Variants in LINGO2 observed in about 807,000 individuals in gnomAD.
LINGO2 encodes the protein leucine-rich repeat and immunoglobulin-like domain-containing nogo receptor-interacting protein 2.
LINGO2 carries 14 observed loss-of-function variants against 30.6 expected under a neutral mutation model. That is an observed-to-expected ratio of 0.46 (90% CI 0.30 to 0.72). LINGO2 has a LOEUF of 0.72. Among genes scored for constraint, LINGO2 ranks in the 30% least tolerant of loss-of-function variants. The probability of loss-of-function intolerance (pLI) is 0.07; values close to 1 mark genes in which losing one functional copy is unlikely to be tolerated. For synonymous variants in LINGO2, 317 were observed against 288.5 expected, an observed-to-expected ratio of 1.10 and a Z score of -1.00; for missense variants, 729 against 751.7, an observed-to-expected ratio of 0.97 and a Z score of 0.35.
intron 4 of LINGO2, among the ~76,000 whole-genome samples, chr9:28,092,798 G>C (rs1243779232): frequency 1.3e-5 from 2 of 151,972 alleles, no homozygotes; most frequent in Non-Finnish European, 2.9e-5. Context: ...TTACTTGTAT[G>C]ATCAATAATA....
chr9:28,768,151 G>A, the LINGO2 span, among the ~76,000 whole-genome samples: 1 of 152,168 alleles, frequency 6.6e-6, no homozygotes, highest in African/African-American at 2.4e-5. Context: ...AGAGTTACAG[G>A]AATATGGGAA....
chr9:28,083,590 G>C (rs35081788), intron 4 of LINGO2, among the ~76,000 whole-genome samples: 3,690 of 152,174 alleles, frequency 0.024, 86 homozygotes, highest in Non-Finnish European at 0.037. Context: ...TTGTAGGTTA[G>C]ATTTGGCCAC....
chr9:28,352,161 C>G (rs1819927512), intron 3 of LINGO2, among the ~76,000 whole-genome samples: 1 of 151,630 alleles, frequency 6.6e-6, no homozygotes, highest in Non-Finnish European at 1.5e-5. Flanking sequence ...GGCTATTAGG[C>G]AGGAGAAGGA....
chr9:27,950,722 A>C lies in LINGO2; in HGVS notation c.-35-16T>G. The C allele has an allele frequency of 7.1e-7, 1 of 1,408,182 alleles. No homozygotes were observed. The highest frequency in any genetic ancestry group is 9.4e-7 in the Non-Finnish European group (1 of 1,064,082). The allele number at this position is 1,408,182 out of a possible 1,614,324, so 87.2% of individuals were successfully genotyped here. A position where few individuals can be genotyped will look rare whatever the true frequency, so the allele number is the denominator to read the frequency against. The stretch of plus-strand genomic sequence containing the variant: ...GGTCACGGGTCTGCATGGAAGGGAC[A>C]CAAGAAGGGAGGAAGAGAAGGTGAG... On this transcript the variant is annotated splice_polypyrimidine_tract_variant and intron_variant, in intron 5 of 5. Coordinates refer to ENST00000379992, the Ensembl canonical transcript of LINGO2.
chr9:28,724,378 T>C, the LINGO2 span, among the ~76,000 whole-genome samples: 2 of 152,242 alleles, frequency 1.3e-5, no homozygotes, highest in East Asian at 1.9e-4. Flanking sequence ...TTAGATTTAG[T>C]TCCTGTCCCA....
At chr9:28,132,378 C>T (rs773219702) in intron 4 of LINGO2, among the ~76,000 whole-genome samples, 1 of 151,876 alleles carries the variant, frequency 6.6e-6, no homozygotes, top group Non-Finnish European at 1.5e-5. Context: ...AAACCTTTTA[C>T]GTAGCTTAAT....
At chr9:28,656,529 T>C (rs920028687) in intron 1 of LINGO2, among the ~76,000 whole-genome samples, 1 of 152,006 alleles carries the variant, frequency 6.6e-6, no homozygotes, top group African/African-American at 2.4e-5. Context: ...TAAGGAAACA[T>C]CAGACACATC....
At chr9:28,072,348 G>A (rs910496112) in intron 4 of LINGO2, among the ~76,000 whole-genome samples, 2 of 152,100 alleles carry the variant, frequency 1.3e-5, no homozygotes, top group Non-Finnish European at 2.9e-5. Flanking sequence ...ACCATGCCAG[G>A]GAATATTAAG....
intron 4 of LINGO2, among the ~76,000 whole-genome samples, chr9:28,032,420 AAC>A (rs1231674261): frequency 7.8e-4 from 119 of 152,260 alleles, no homozygotes; most frequent in Middle Eastern, 3.4e-3. Flanking sequence ...TGTCTTTGTC[AAC>A]ATTACATATG....
intron 5 of LINGO2, among the ~76,000 whole-genome samples, chr9:27,954,011 T>C (rs1048702904): frequency 6.6e-6 from 1 of 152,142 alleles, no homozygotes; most frequent in Non-Finnish European, 1.5e-5. Context: ...GAATTCTGAA[T>C]TTTTTCAAAA....
chr9:28,013,820 C>T (rs917288475), intron 4 of LINGO2, among the ~76,000 whole-genome samples: 3 of 152,114 alleles, frequency 2.0e-5, no homozygotes, highest in Admixed American at 1.3e-4. Context: ...ATCCTCTTAG[C>T]ACATGAAATT....
intron 1 of LINGO2, among the ~76,000 whole-genome samples, chr9:28,502,131 GACAC>G (rs57545947): frequency 4.8e-4 from 71 of 147,136 alleles, no homozygotes; most frequent in East Asian, 1.2e-3. Flanking sequence ...GAGAAACACA[GACAC>G]ACACACACAC....
the LINGO2 span, among the ~76,000 whole-genome samples, chr9:28,766,191 T>C: frequency 6.6e-6 from 1 of 151,990 alleles, no homozygotes; most frequent in East Asian, 1.9e-4. Flanking sequence ...TTGCAAACCA[T>C]ATATCTGATA....
chr9:28,720,912 T>C, the LINGO2 span, among the ~76,000 whole-genome samples: 1 of 152,030 alleles, frequency 6.6e-6, no homozygotes, highest in African/African-American at 2.4e-5. Context: ...TCACTCTAAA[T>C]AGTGAATCAC....
At chr9:28,500,681 C>T (rs1819847527) in intron 1 of LINGO2, among the ~76,000 whole-genome samples, 1 of 151,562 alleles carries the variant, frequency 6.6e-6, no homozygotes, top group Non-Finnish European at 1.5e-5. Context: ...GATAAAATTT[C>T]CAGAGGAGTA....
intron 1 of LINGO2, among the ~76,000 whole-genome samples, chr9:28,507,270 C>T (rs1476624522): frequency 1.3e-5 from 2 of 149,584 alleles, no homozygotes; most frequent in Admixed American, 6.6e-5. Context: ...TAGATAATTA[C>T]TCTTTCCTAC....
chr9:28,010,286 G>C (rs1279839315), intron 5 of LINGO2, among the ~76,000 whole-genome samples: 1 of 152,082 alleles, frequency 6.6e-6, no homozygotes, highest in African/African-American at 2.4e-5. Flanking sequence ...CAAAATTTAA[G>C]TATAACTGAT....
intron 1 of LINGO2, among the ~76,000 whole-genome samples, chr9:28,632,682 A>G (rs1293905354): frequency 0.039 from 5,055 of 130,016 alleles, 287 homozygotes; most frequent in Admixed American, 0.14. Flanking sequence ...ATCTATATAA[A>G]AATATATTTA....
chr9:29,052,937 C>A, the LINGO2 span, among the ~76,000 whole-genome samples: 4 of 151,946 alleles, frequency 2.6e-5, no homozygotes, highest in African/African-American at 9.7e-5. Context: ...AAATTCAAAC[C>A]AAAACTGAAG....
Sources: gnomAD v4.1 joint callset for allele counts (sites outside exome capture counted in the v4.1 genomes callset) on GRCh38, gnomAD v4.1.1 for gene constraint, MANE v1.5 for transcripts, NCBI Gene and HGNC (gene_info 2026-07-23, HGNC 2026-07-21) for gene names.